Variants in GRIK1 observed in about 807,000 individuals in gnomAD.
The protein encoded by GRIK1 is glutamate receptor ionotropic, kainate 1.
In GRIK1, 69 loss-of-function variants were observed where a neutral mutation model predicts 105.7. The observed-to-expected ratio is 0.65, with a 90% CI of 0.54 to 0.80. The LOEUF (loss-of-function observed/expected upper bound fraction) is 0.80, where lower values mean the gene tolerates loss of function less well. GRIK1 is among the 30% of genes least tolerant of loss of function. The probability of loss-of-function intolerance (pLI) is 0.00; values close to 1 mark genes in which losing one functional copy is unlikely to be tolerated. For missense variants in GRIK1, 1,109 were observed against 1,167.3 expected (o/e 0.95, Z 0.73); for synonymous variants, 438 against 431.3 (o/e 1.02, Z -0.19).
chr21:29,866,898 T>C (rs180767708), intron 1 of GRIK1, among the ~76,000 whole-genome samples: 8 of 152,332 alleles, frequency 5.3e-5, no homozygotes, highest in Admixed American at 5.2e-4. Flanking sequence ...CACTTGAATA[T>C]CTACGTGGCC....
intron 1 of GRIK1, among the ~76,000 whole-genome samples, chr21:29,863,387 G>A (rs2068705465): frequency 6.6e-6 from 1 of 152,068 alleles, no homozygotes; most frequent in South Asian, 2.1e-4. Flanking sequence ...ACTCTATAGA[G>A]TTAATAAACA....
Position 29,939,574 on chromosome 21 carries a change from G to A in GRIK1, c.-74C>T. 1.1e-6 allele frequency: 1 copy of A among 887,144 alleles called. No homozygotes were observed. Among genetic ancestry groups the A allele is most frequent in the Non-Finnish European group, 1.7e-6 (1 of 579,768 alleles). 55.0% of individuals were successfully genotyped at this position (887,144 alleles called of 1,614,324 possible). On this transcript the variant is annotated 5_prime_UTR_variant, in exon 1 of 18. Coordinates refer to ENST00000327783, the MANE Select transcript of GRIK1 (RefSeq NM_001330994.2). ...CGAGAGATGCACCCAACTTGGGCCGGGTCCCCGCCTCATCCTCTCTGGATG... is the reference window on the plus strand; with the variant it reads ...CGAGAGATGCACCCAACTTGGGCCGAGTCCCCGCCTCATCCTCTCTGGATG...
chr21:29,680,065 T>C (rs1325168951), intron 3 of GRIK1, among the ~76,000 whole-genome samples: 1 of 152,212 alleles, frequency 6.6e-6, no homozygotes, highest in African/African-American at 2.4e-5. Context: ...CCAAGTTTCT[T>C]AGGTCATTGA....
At chr21:29,673,280 A>C in intron 3 of GRIK1, 116 bp from the exon 4 acceptor site, 1 of 604,522 alleles carries the variant, frequency 1.7e-6, no homozygotes. Flanking sequence ...CACCTTCCTA[A>C]AGGTTACACT....
intron 1 of GRIK1, among the ~76,000 whole-genome samples, chr21:29,884,874 G>A (rs1219973821): frequency 6.6e-6 from 1 of 151,992 alleles, no homozygotes; most frequent in African/African-American, 2.4e-5. Context: ...GACATCCAGT[G>A]TTCACCCACA....
chr21:29,898,870 G>T (rs1353011704), intron 1 of GRIK1, among the ~76,000 whole-genome samples: 1 of 151,962 alleles, frequency 6.6e-6, no homozygotes, highest in Non-Finnish European at 1.5e-5. Context: ...GATTCGGGAG[G>T]CTAAGGCAGG....
intron 1 of GRIK1, among the ~76,000 whole-genome samples, chr21:29,838,061 T>C (rs181995280): frequency 3.3e-5 from 5 of 152,324 alleles, no homozygotes; most frequent in African/African-American, 9.6e-5. Context: ...TGTTTCTAAA[T>C]GATTTCAATA....
At chr21:29,722,699 A>G (rs1318099638) in intron 1 of GRIK1, among the ~76,000 whole-genome samples, 1 of 152,102 alleles carries the variant, frequency 6.6e-6, no homozygotes, top group East Asian at 1.9e-4. Flanking sequence ...AACATACATT[A>G]TATACAAATT....
At chr21:29,683,035 C>T (rs2063412697) in intron 3 of GRIK1, among the ~76,000 whole-genome samples, 1 of 152,144 alleles carries the variant, frequency 6.6e-6, no homozygotes, top group Non-Finnish European at 1.5e-5. Context: ...TGAAAAAATG[C>T]TCATCATGAC....
At chr21:29,585,355 A>G (rs1207106138) in intron 12 of GRIK1, among the ~76,000 whole-genome samples, 1 of 152,190 alleles carries the variant, frequency 6.6e-6, no homozygotes, top group Admixed American at 6.5e-5. Flanking sequence ...TACTCTGATG[A>G]CATACATAAG....
intron 1 of GRIK1, among the ~76,000 whole-genome samples, chr21:29,706,541 G>A (rs373816657): frequency 4.6e-5 from 7 of 152,348 alleles, no homozygotes; most frequent in African/African-American, 1.7e-4. Context: ...AAAATGAACT[G>A]AGAGTCTGCA....
chr21:29,897,931 G>A (rs1319078476), intron 1 of GRIK1, among the ~76,000 whole-genome samples: 1 of 152,192 alleles, frequency 6.6e-6, no homozygotes. Context: ...TTGAACAATT[G>A]TGTAAAGCCA....
intron 17 of GRIK1, 51 bp downstream of exon 17, chr21:29,537,747 G>T: frequency 1.2e-6 from 1 of 869,518 alleles, no homozygotes; most frequent in Non-Finnish European, 2.0e-6. Flanking sequence ...ACATTGATAG[G>T]ATTATCAAGG....
chr21:29,554,490 T>G (rs1199383675), intron 16 of GRIK1, among the ~76,000 whole-genome samples: 1 of 152,166 alleles, frequency 6.6e-6, no homozygotes, highest in Admixed American at 6.5e-5. Context: ...AAATAAAGTC[T>G]CATATACATT....
At chr21:29,827,204 A>G (rs1258916145) in intron 1 of GRIK1, among the ~76,000 whole-genome samples, 2 of 152,128 alleles carry the variant, frequency 1.3e-5, no homozygotes, top group Non-Finnish European at 2.9e-5. Context: ...AGTTGAAGAG[A>G]TATACATTGC....
At chr21:29,906,211 T>C (rs1015716646) in intron 1 of GRIK1, among the ~76,000 whole-genome samples, 11 of 152,348 alleles carry the variant, frequency 7.2e-5, no homozygotes, top group African/African-American at 2.6e-4. Context: ...CATTGTGTGC[T>C]ACAACTTATT....
chr21:29,560,433 C>CTTTCTT (rs1555835356), intron 15 of GRIK1, among the ~76,000 whole-genome samples: 2 of 121,118 alleles, frequency 1.7e-5, no homozygotes, highest in East Asian at 2.4e-4. Context: ...TTCTTTCTTT[C>CTTTCTT]TTTCTTTTTC....
intron 1 of GRIK1, among the ~76,000 whole-genome samples, chr21:29,778,684 C>T (rs2066009719): frequency 6.6e-6 from 1 of 152,180 alleles, no homozygotes; most frequent in Admixed American, 6.5e-5. Flanking sequence ...GCTCTGTGCT[C>T]CCCACACCAA....
chr21:29,777,269 A>C (rs746702125), intron 1 of GRIK1, among the ~76,000 whole-genome samples: 4 of 152,194 alleles, frequency 2.6e-5, no homozygotes, highest in Non-Finnish European at 5.9e-5. Context: ...TACTTGCTAA[A>C]ACATACACTT....
Sources: gnomAD v4.1 joint callset for allele counts (sites outside exome capture counted in the v4.1 genomes callset) on GRCh38, gnomAD v4.1.1 for gene constraint, MANE v1.5 for transcripts, NCBI Gene and HGNC (gene_info 2026-07-23, HGNC 2026-07-21) for gene names.